The following TEX9 variants were observed in gnomAD, a reference collection of about 807,000 sequenced individuals.
The protein encoded by TEX9 is testis expressed 9, also known as testis-expressed protein 9.
Under a neutral mutation model 59.6 loss-of-function variants are expected in TEX9, and 74 were observed. The observed-to-expected ratio is 1.24, with a 90% confidence interval of 1.03 to 1.51. The LOEUF (loss-of-function observed/expected upper bound fraction) is 1.51. Among genes scored for constraint, TEX9 ranks in the 40% most tolerant of loss-of-function variants. The probability of loss-of-function intolerance (pLI) is 0.00; values close to 1 mark genes in which losing one functional copy is unlikely to be tolerated. For synonymous variants in TEX9, 186 were observed against 152.2 expected, an observed-to-expected ratio of 1.22 and a Z score of -1.64; for missense variants, 522 against 447.8, an observed-to-expected ratio of 1.17 and a Z score of -1.49.
At chr15:56,352,271 G>T (rs1308162558) in intron 1 of TEX9, among the ~76,000 whole-genome samples, 2 of 152,024 alleles carry the variant, frequency 1.3e-5, no homozygotes, top group African/African-American at 4.8e-5. Flanking sequence ...TTGAGACAGA[G>T]TCTCGCCCTG....
At chr15:56,296,080 T>C (rs72740533) in intron 1 of TEX9, among the ~76,000 whole-genome samples, 10,645 of 152,276 alleles carry the variant, frequency 0.07, 462 homozygotes, top group Non-Finnish European at 0.1. Context: ...GACCCAATCC[T>C]ATAAGTGGAT....
chr15:56,388,534 C>A lies in TEX9; in HGVS notation c.312+14C>A. ...TCAGAAACTAAGGTATGAAATCAAACTTTCTGTGAATGCAATTATATTCTG... is the reference window on the plus strand; with the variant it reads ...TCAGAAACTAAGGTATGAAATCAAAATTTCTGTGAATGCAATTATATTCTG... On this transcript the variant is annotated intron_variant, in intron 5 of 12. Coordinates refer to ENST00000352903, the Ensembl canonical transcript of TEX9. 4.4e-6 allele frequency: 7 copies of A among 1,607,726 alleles called. No individual in the cohort carries two copies. The highest frequency in any genetic ancestry group is 6.0e-6 in the Non-Finnish European group (7 of 1,175,132).
intron 4 of TEX9, among the ~76,000 whole-genome samples, chr15:56,387,984 G>T (rs2048036381): frequency 6.6e-6 from 1 of 151,936 alleles, no homozygotes; most frequent in Admixed American, 6.6e-5. Flanking sequence ...GTAGTACCTG[G>T]CATATAAACT....
chr15:56,418,623 C>T (rs2049818312), intron 10 of TEX9, among the ~76,000 whole-genome samples: 1 of 151,270 alleles, frequency 6.6e-6, no homozygotes, highest in Admixed American at 6.6e-5. Context: ...TGCACTCCAG[C>T]CTGGGTGACA....
At chr15:56,257,712 T>C (rs2044175881) in intron 1 of TEX9, among the ~76,000 whole-genome samples, 1 of 152,124 alleles carries the variant, frequency 6.6e-6, no homozygotes, top group African/African-American at 2.4e-5. Context: ...ATGCATAGAA[T>C]GCAAAATTTT....
upstream of TEX9, among the ~76,000 whole-genome samples, chr15:56,363,522 T>C (rs2046830016): frequency 6.6e-6 from 1 of 152,134 alleles, no homozygotes; most frequent in Non-Finnish European, 1.5e-5. Context: ...CATTTCATTT[T>C]GGTTTTAATT....
intron 1 of TEX9, chr15:56,274,477 G>A (rs2044622793): frequency 6.6e-6 from 1 of 151,986 alleles, no homozygotes; most frequent in African/African-American, 2.4e-5. Flanking sequence ...TGGTTGCATT[G>A]TTTTTTGACA....
downstream of TEX9, among the ~76,000 whole-genome samples, chr15:56,450,182 C>T (rs2050938635): frequency 6.6e-6 from 1 of 152,046 alleles, no homozygotes; most frequent in Admixed American, 6.6e-5. Context: ...TAAGACCTAC[C>T]CTTGAGGAAC....
chr15:56,270,085 A>G (rs1383900341), intron 1 of TEX9, among the ~76,000 whole-genome samples: 1 of 152,082 alleles, frequency 6.6e-6, no homozygotes, highest in Non-Finnish European at 1.5e-5. Context: ...CAATTTTGGG[A>G]TAATTGTGAT....
At chr15:56,277,245 G>T (rs984135996) in intron 1 of TEX9, among the ~76,000 whole-genome samples, 1 of 152,120 alleles carries the variant, frequency 6.6e-6, no homozygotes, top group Admixed American at 6.5e-5. Context: ...TGAAGTCTTT[G>T]TCCGTGCCTA....
chr15:56,321,059 C>T (rs1287197985), intron 1 of TEX9, among the ~76,000 whole-genome samples: 1 of 152,176 alleles, frequency 6.6e-6, no homozygotes, highest in Non-Finnish European at 1.5e-5. Context: ...GGTACAGGAG[C>T]TAACCTGTGA....
At chr15:56,315,060 G>T (rs2045720651) in intron 1 of TEX9, among the ~76,000 whole-genome samples, 1 of 150,986 alleles carries the variant, frequency 6.6e-6, no homozygotes, top group African/African-American at 2.4e-5. Context: ...ATGTGAGATG[G>T]GTTTCCTGAA....
intron 1 of TEX9, among the ~76,000 whole-genome samples, chr15:56,259,307 T>A (rs558836805): frequency 1.1e-4 from 16 of 152,208 alleles, no homozygotes; most frequent in African/African-American, 3.6e-4. Flanking sequence ...AAAGACTGTA[T>A]GACCTACAAA....
chr15:56,347,533 A>C (rs896486551), intron 1 of TEX9, among the ~76,000 whole-genome samples: 1 of 152,102 alleles, frequency 6.6e-6, no homozygotes, highest in South Asian at 2.1e-4. Flanking sequence ...CATAGGCAAA[A>C]AAAAAGGAAG....
chr15:56,330,373 A>C (rs11852414), intron 1 of TEX9, among the ~76,000 whole-genome samples: 45,351 of 151,970 alleles, frequency 0.3, 7,683 homozygotes, highest in Middle Eastern at 0.47. Context: ...AGTACACAGA[A>C]AAAGTCAGAA....
chr15:56,323,574 C>A, intron 1 of TEX9: 2 of 164,986 alleles, frequency 1.2e-5, no homozygotes, highest in South Asian at 3.1e-4. Context: ...TGCTGCATAC[C>A]AAGCTAAAGA....
At chr15:56,404,048 G>T (rs140932010) in intron 9 of TEX9, among the ~76,000 whole-genome samples, 2 of 152,094 alleles carry the variant, frequency 1.3e-5, no homozygotes, top group Non-Finnish European at 1.5e-5. Flanking sequence ...AACCTATGCA[G>T]TACCATTCAG....
chr15:56,290,785 CTTT>C (rs568536742), intron 1 of TEX9, among the ~76,000 whole-genome samples: 1 of 145,330 alleles, frequency 6.9e-6, no homozygotes, highest in African/African-American at 2.5e-5. Context: ...GGTTATTCTC[CTTT>C]TTTTTTTTTT....
intron 1 of TEX9, among the ~76,000 whole-genome samples, chr15:56,308,279 A>G (rs1596078135): frequency 6.6e-6 from 1 of 152,132 alleles, no homozygotes; most frequent in East Asian, 1.9e-4. Flanking sequence ...CTGGGTGTGA[A>G]ATGGTATCTC....
Sources: gnomAD v4.1 joint callset for allele counts (sites outside exome capture counted in the v4.1 genomes callset) on GRCh38, gnomAD v4.1.1 for gene constraint, MANE v1.5 for transcripts, NCBI Gene and HGNC (gene_info 2026-07-23, HGNC 2026-07-21) for gene names.